The following CSMD1 variants were observed in gnomAD, a reference collection of about 807,000 sequenced individuals.
CSMD1 encodes CUB and Sushi multiple domains 1.
CSMD1 carries 213 observed loss-of-function variants against 417.5 expected under a neutral mutation model. That is an observed-to-expected ratio of 0.51 (90% CI 0.46 to 0.57). CSMD1 has a LOEUF of 0.57. Ranked by LOEUF, CSMD1 falls within the 20% of genes least tolerant of loss-of-function variation. The pLI, the probability that CSMD1 is intolerant of heterozygous loss-of-function variation, is 0.00. For missense variants in CSMD1, 6,923 were observed against 4,529.7 expected (o/e 1.53, Z -15.17); for synonymous variants, 2,862 against 1,736.8 (o/e 1.65, Z -16.11).
chr8:4,077,081 A>G (rs1294546242), intron 3 of CSMD1, among the ~76,000 whole-genome samples: 3 of 151,924 alleles, frequency 2.0e-5, no homozygotes, highest in Admixed American at 6.6e-5. Context: ...TTGGTCATAA[A>G]TGATATATAT....
intron 5 of CSMD1, among the ~76,000 whole-genome samples, chr8:3,981,267 C>G (rs533208550): frequency 6.6e-6 from 1 of 152,066 alleles, no homozygotes; most frequent in African/African-American, 2.4e-5. Flanking sequence ...ATCGTATGTA[C>G]TCACTGATAT....
chr8:3,798,584 C>G (rs1446733597), intron 5 of CSMD1, among the ~76,000 whole-genome samples: 2 of 151,958 alleles, frequency 1.3e-5, no homozygotes, highest in African/African-American at 4.8e-5. Context: ...AATGAAAAGG[C>G]AATTATAAAT....
intron 1 of CSMD1, among the ~76,000 whole-genome samples, chr8:4,764,485 G>C (rs1812314299): frequency 6.6e-6 from 1 of 151,898 alleles, no homozygotes; most frequent in Non-Finnish European, 1.5e-5. Flanking sequence ...GTATTAAGTC[G>C]AGAAGACAAT....
At chr8:4,256,341 C>G (rs561006695) in intron 3 of CSMD1, among the ~76,000 whole-genome samples, 2 of 152,282 alleles carry the variant, frequency 1.3e-5, no homozygotes, top group Admixed American at 1.3e-4. Context: ...GAATTTCTAG[C>G]TCCTACTTTT....
intron 5 of CSMD1, among the ~76,000 whole-genome samples, chr8:3,826,917 G>C (rs1802087670): frequency 6.6e-6 from 1 of 152,044 alleles, no homozygotes; most frequent in Non-Finnish European, 1.5e-5. Context: ...CTCTTGAGTA[G>C]CTGAAACTAC....
At chr8:4,442,891 G>C (rs1798564390) in intron 2 of CSMD1, among the ~76,000 whole-genome samples, 1 of 152,212 alleles carries the variant, frequency 6.6e-6, no homozygotes, top group East Asian at 1.9e-4. Context: ...TGTTTACAGT[G>C]AACAGATGTT....
intron 5 of CSMD1, among the ~76,000 whole-genome samples, chr8:3,795,089 A>G (rs1479844911): frequency 9.6e-6 from 1 of 104,666 alleles, no homozygotes; most frequent in Non-Finnish European, 2.0e-5. Flanking sequence ...ACAGCTATAG[A>G]TATATATCTA....
chr8:3,766,298 G>T (rs917162693), intron 5 of CSMD1, among the ~76,000 whole-genome samples: 1 of 152,148 alleles, frequency 6.6e-6, no homozygotes, highest in Non-Finnish European at 1.5e-5. Context: ...GACCCTCCAC[G>T]GGTGACGCAG....
At chr8:4,788,221 A>T in intron 1 of CSMD1, 1 of 1,585,700 alleles carries the variant, frequency 6.3e-7, no homozygotes. Flanking sequence ...TCTGCGCATA[A>T]AGGACCAGAT....
chr8:4,552,901 G>C (rs1563280325), intron 2 of CSMD1, among the ~76,000 whole-genome samples: 3 of 152,188 alleles, frequency 2.0e-5, no homozygotes, highest in South Asian at 4.1e-4. Context: ...CCTAGGAACA[G>C]GTGAGATGGC....
intron 47 of CSMD1, among the ~76,000 whole-genome samples, chr8:3,095,859 T>A (rs1815258511): frequency 6.6e-6 from 1 of 152,202 alleles, no homozygotes; most frequent in Admixed American, 6.5e-5. Context: ...CATATCACTG[T>A]TAAAATTTTC....
intron 3 of CSMD1, among the ~76,000 whole-genome samples, chr8:4,067,683 C>G (rs1454534757): frequency 1.3e-5 from 2 of 152,062 alleles, no homozygotes; most frequent in African/African-American, 4.8e-5. Context: ...CCTAACTTGT[C>G]CTGTGGAATA....
intron 12 of CSMD1, among the ~76,000 whole-genome samples, chr8:3,455,525 C>G (rs1297282319): frequency 6.6e-6 from 1 of 152,190 alleles, no homozygotes; most frequent in African/African-American, 2.4e-5. Context: ...AGTTTTCCTT[C>G]TAACAGTCAG....
chr8:4,154,206 G>A (rs1023806394), intron 3 of CSMD1, among the ~76,000 whole-genome samples: 2 of 152,124 alleles, frequency 1.3e-5, no homozygotes, highest in African/African-American at 2.4e-5. Context: ...TATTCAGGAA[G>A]AATAATATCA....
intron 1 of CSMD1, among the ~76,000 whole-genome samples, chr8:4,770,899 T>C (rs1272896756): frequency 2.6e-5 from 4 of 152,234 alleles, no homozygotes; most frequent in East Asian, 1.9e-4. Flanking sequence ...GCCTTGACGA[T>C]GATTTCCCAT....
intron 1 of CSMD1, among the ~76,000 whole-genome samples, chr8:4,770,447 A>G (rs758131007): frequency 2.0e-5 from 3 of 150,870 alleles, no homozygotes; most frequent in African/African-American, 7.3e-5. Flanking sequence ...CATTCTTCAC[A>G]GAATTTTTTT....
intron 7 of CSMD1, among the ~76,000 whole-genome samples, chr8:3,634,991 T>G (rs912111262): frequency 1.3e-5 from 2 of 152,164 alleles, no homozygotes; most frequent in East Asian, 3.9e-4. Flanking sequence ...GTAAGAAATT[T>G]GTGTATCTAA....
chr8:3,595,178 C>G (rs1296820952), intron 8 of CSMD1, among the ~76,000 whole-genome samples: 1 of 152,154 alleles, frequency 6.6e-6, no homozygotes, highest in Non-Finnish European at 1.5e-5. Flanking sequence ...AGGGATGCCC[C>G]TTAGGGACAC....
At chr8:3,764,110 A>G (rs951819871) in intron 5 of CSMD1, among the ~76,000 whole-genome samples, 3 of 152,140 alleles carry the variant, frequency 2.0e-5, no homozygotes, top group Non-Finnish European at 4.4e-5. Context: ...AGACATGACT[A>G]GAGGCGACCA....
Sources: allele counts gnomAD v4.1 joint callset (sites outside exome capture counted in the v4.1 genomes callset), GRCh38; gene constraint gnomAD v4.1.1; transcripts MANE v1.5; gene names NCBI Gene and HGNC (gene_info 2026-07-23, HGNC 2026-07-21).